Variants in AFAP1 observed in about 807,000 individuals in gnomAD.
AFAP1 encodes actin filament associated protein 1.
AFAP1 carries 75 observed loss-of-function variants against 93.9 expected under a neutral mutation model. The ratio of observed to expected loss-of-function variants is 0.80; its 90% CI spans 0.66 to 0.97. AFAP1 has a LOEUF of 0.97. Among genes scored for constraint, AFAP1 ranks in the 50% least tolerant of loss-of-function variants. The probability of loss-of-function intolerance (pLI) is 0.00; values close to 1 mark genes in which losing one functional copy is unlikely to be tolerated. For missense variants in AFAP1, 1,201 were observed against 1,050.8 expected, an observed-to-expected ratio of 1.14 and a Z score of -1.98; for synonymous variants, 517 against 430.7, an observed-to-expected ratio of 1.20 and a Z score of -2.48.
At position 7,763,931 on chromosome 4, in the gene AFAP1, C is replaced by T. The variant is rs139839557; in HGVS notation, c.2419-140G>A. The stretch of plus-strand genomic sequence containing the variant: ...CTCAACAGAATCAATGACCAATGAC[C>T]CGGCAATTCCACTGCTAGGTATTCA... On this transcript the variant is annotated intron_variant, in intron 17 of 17. Coordinates refer to ENST00000420658, the MANE Select transcript of AFAP1 (RefSeq NM_001134647.2). 1.6e-5 allele frequency: 12 copies of T among 769,228 alleles called. No individual in the cohort carries two copies. In the East Asian group the frequency reaches 3.2e-4, roughly 21 times the overall value. The allele number at this position is 769,228 out of a possible 1,614,324, so 47.7% of individuals were successfully genotyped here. A position where few individuals can be genotyped will look rare whatever the true frequency, so the allele number is the denominator to read the frequency against.
intron 3 of AFAP1, among the ~76,000 whole-genome samples, chr4:7,867,599 C>A (rs1383794353): frequency 1.3e-5 from 2 of 152,142 alleles, no homozygotes; most frequent in Non-Finnish European, 2.9e-5. Context: ...ATCTCTGCCC[C>A]CTCTACTTAT....
intron 13 of AFAP1, 76 bp downstream of exon 13, chr4:7,781,297 TTAC>T: frequency 6.7e-7 from 1 of 1,498,214 alleles, no homozygotes; most frequent in Non-Finnish European, 9.0e-7. Context: ...TGAGTCCCAT[TTAC>T]TACAAGTTGC....
At chr4:7,815,785 T>C (rs1358454242) in intron 8 of AFAP1, among the ~76,000 whole-genome samples, 1 of 152,134 alleles carries the variant, frequency 6.6e-6, no homozygotes, top group East Asian at 1.9e-4. Context: ...AGACAACAGA[T>C]GGCAACCTCG....
chr4:7,840,304 G>GT (rs1328735149), intron 5 of AFAP1, among the ~76,000 whole-genome samples: 2 of 81,146 alleles, frequency 2.5e-5, no homozygotes, highest in East Asian at 5.2e-4. Context: ...TTTGTTTTTG[G>GT]GGTGTGTGTG....
rs781564549 is a variant in AFAP1, at chr4:7,781,636, C to T, written c.1531-9G>A. 1.3e-6 allele frequency: 2 copies of T among 1,551,376 alleles called. No homozygotes were observed. Among genetic ancestry groups the T allele is most frequent in the Non-Finnish European group, 1.7e-6 (2 of 1,146,710 alleles). ...CCGTCTTCCGGTTCCCACTGCAACACACATAGCTTTGTGGTTAGTGACTTG... is the reference window on the plus strand; with the variant it reads ...CCGTCTTCCGGTTCCCACTGCAACATACATAGCTTTGTGGTTAGTGACTTG... On this transcript the variant is annotated splice_polypyrimidine_tract_variant and intron_variant, in intron 12 of 17. Transcript: ENST00000420658.
At chr4:7,820,668 A>G (rs1398061375) in intron 6 of AFAP1, among the ~76,000 whole-genome samples, 1 of 152,022 alleles carries the variant, frequency 6.6e-6, no homozygotes, top group Non-Finnish European at 1.5e-5. Context: ...GTGGGGGAGG[A>G]GGAGATGAGC....
At position 7,909,895 on chromosome 4, in the gene AFAP1, C is replaced by T. The variant is rs556934603; in HGVS notation, c.-3+29761G>A. Among the ~76,000 whole-genome samples, 51 of 152,294 alleles carry T rather than the reference C, an allele frequency of 3.3e-4. 1 individual carries two copies. The highest frequency in any genetic ancestry group is 1.4e-3 in the Admixed American group (22 of 15,300). ...AACCACTGTCCAAGACGCTCTCACA[C>T]CTTGGCTCAGTTCAACACACATTCA... is the stretch of plus-strand genomic sequence containing the variant. On this transcript the variant is annotated intron_variant, in intron 1 of 17. Transcript: ENST00000420658.
In AFAP1 at chr4:7,862,399, CGGGG is replaced by C. The variant is rs1224941594; in HGVS notation, c.225+6219_225+6222del. 59 of 33,716 alleles carry C rather than the reference CGGGG, an allele frequency of 1.7e-3. 1 individual carries two copies. Among genetic ancestry groups the C allele is most frequent in the African/African-American group, 4.5e-3 (53 of 11,858 alleles). 2.1% of individuals were successfully genotyped at this position (33,716 alleles called of 1,614,324 possible). ...GGATGCCAGGGGCAGGAGTTGGGGGCGGGGGGGGGGGGGGGCGCCGGCGGCGGGA... is the reference window on the plus strand; with the variant it reads ...GGATGCCAGGGGCAGGAGTTGGGGGCGGGGGGGGGGGCGCCGGCGGCGGGA... On this transcript the variant is annotated intron_variant, in intron 3 of 17. Coordinates refer to ENST00000420658, the MANE Select transcript of AFAP1 (RefSeq NM_001134647.2).
chr4:7,898,560 C>A (rs371972261), intron 1 of AFAP1, among the ~76,000 whole-genome samples: 1 of 151,244 alleles, frequency 6.6e-6, no homozygotes, highest in African/African-American at 2.4e-5. Flanking sequence ...TTTGGGCAAT[C>A]TGAGGGAAGA....
At chr4:7,903,497 G>A (rs1465260192) in intron 1 of AFAP1, among the ~76,000 whole-genome samples, 6 of 152,240 alleles carry the variant, frequency 3.9e-5, no homozygotes, top group South Asian at 2.1e-4. Flanking sequence ...CGACCAACAC[G>A]GGGAAACCCC....
At chr4:7,870,875 T>C (rs143817805) in intron 2 of AFAP1, among the ~76,000 whole-genome samples, 14 of 152,250 alleles carry the variant, frequency 9.2e-5, no homozygotes, top group Middle Eastern at 3.4e-3. Context: ...ACTAAAAGAA[T>C]TCATGTAAAA....
At chr4:7,772,032 G>A (rs1715514207) in intron 16 of AFAP1, among the ~76,000 whole-genome samples, 1 of 152,238 alleles carries the variant, frequency 6.6e-6, no homozygotes, top group African/African-American at 2.4e-5. Context: ...AAGAGCAGCG[G>A]TGGGTTCAAC....
At position 7,759,195 on chromosome 4, in the gene AFAP1, A is replaced by C. The variant is rs1018431395; in HGVS notation, c.*4570T>G. The C allele has an allele frequency of 2.0e-5, 3 of 152,694 alleles. No individual in the cohort carries two copies. Among genetic ancestry groups the C allele is most frequent in the Non-Finnish European group, 4.4e-5 (3 of 68,046 alleles). The allele number at this position is 152,694 out of a possible 1,614,324, so 9.5% of individuals were successfully genotyped here. A position where few individuals can be genotyped will look rare whatever the true frequency, so the allele number is the denominator to read the frequency against. ...TTCTTGTTAGAAAATCAAAAAGATT[A>C]TCTCATTAAAAACACCTTTGGTCCT... On this transcript the variant is annotated 3_prime_UTR_variant, in exon 18 of 18. Coordinates refer to ENST00000420658, the MANE Select transcript of AFAP1 (RefSeq NM_001134647.2).
intron 8 of AFAP1, among the ~76,000 whole-genome samples, chr4:7,810,275 A>G (rs1261577457): frequency 6.6e-6 from 1 of 152,216 alleles, no homozygotes; most frequent in Admixed American, 6.5e-5. Flanking sequence ...CAAGGACCAC[A>G]TGGAGATCTA....
chr4:7,801,913 A>AC (rs1719066805), intron 9 of AFAP1, among the ~76,000 whole-genome samples: 1 of 89,682 alleles, frequency 1.1e-5, no homozygotes, highest in Non-Finnish European at 2.3e-5. Context: ...AGACCCTATC[A>AC]CAAAAAAAAA....
chr4:7,782,805 A>C (rs893957651), intron 12 of AFAP1, among the ~76,000 whole-genome samples: 2 of 152,202 alleles, frequency 1.3e-5, no homozygotes, highest in African/African-American at 4.8e-5. Context: ...GAGTGTCTGT[A>C]TTCCTCCGCA....
At chr4:7,866,238 C>T (rs1716385496) in intron 3 of AFAP1, among the ~76,000 whole-genome samples, 1 of 151,174 alleles carries the variant, frequency 6.6e-6, no homozygotes, top group South Asian at 2.1e-4. Flanking sequence ...GCTCTGTCAC[C>T]CAGGCTGTAG....
chr4:7,763,501 T>G lies in AFAP1; in HGVS notation c.*264A>C. 1.9e-6 allele frequency: 1 copy of G among 515,098 alleles called. No individual in the cohort carries two copies. Among genetic ancestry groups the G allele is most frequent in the Non-Finnish European group, 3.4e-6 (1 of 291,650 alleles). The allele number at this position is 515,098 out of a possible 1,614,324, so 31.9% of individuals were successfully genotyped here. A position where few individuals can be genotyped will look rare whatever the true frequency, so the allele number is the denominator to read the frequency against. ...AAAGATGTCACTTCGCCTGATAGCA[T>G]CCTTTCAAACACCTTTCCATCACTT... On this transcript the variant is annotated 3_prime_UTR_variant, in exon 18 of 18. Transcript: ENST00000420658.
intron 6 of AFAP1, among the ~76,000 whole-genome samples, chr4:7,830,250 C>G (rs6446629): frequency 6.6e-6 from 1 of 152,132 alleles, no homozygotes; most frequent in Non-Finnish European, 1.5e-5. Context: ...TCTCCTGCAC[C>G]GCTGGGAGAA....
Sources: allele counts gnomAD v4.1 joint callset (sites outside exome capture counted in the v4.1 genomes callset), GRCh38; gene constraint gnomAD v4.1.1; transcripts MANE v1.5; gene names NCBI Gene and HGNC (gene_info 2026-07-23, HGNC 2026-07-21).